Variants in TUBG1 observed in about 807,000 individuals in gnomAD.
The protein encoded by TUBG1 is tubulin gamma-1 chain.
In TUBG1, 22 loss-of-function variants were observed where a neutral mutation model predicts 53.3. The observed-to-expected ratio is 0.41, with a 90% CI of 0.29 to 0.59. TUBG1 has a LOEUF of 0.59. Ranked by LOEUF, TUBG1 falls within the 20% of genes least tolerant of loss-of-function variation. The probability of loss-of-function intolerance (pLI) is 0.26; values close to 1 mark genes in which losing one functional copy is unlikely to be tolerated. For synonymous variants in TUBG1, 198 were observed against 236.7 expected (o/e 0.84, Z 1.50); for missense variants, 217 against 598.9 (o/e 0.36, Z 6.66).
rs900250349 is a variant in TUBG1, at chr17:42,613,221, C to G, written c.606+148C>G. ...TCCCATCACTTTGGGAGGCCAAGGTCGTTGGATCGTTTGAGTTTAGGAGTT... is the reference window on the plus strand; with the variant it reads ...TCCCATCACTTTGGGAGGCCAAGGTGGTTGGATCGTTTGAGTTTAGGAGTT... On this transcript the variant is annotated intron_variant, in intron 6 of 10. Coordinates refer to ENST00000251413, the MANE Select transcript of TUBG1 (RefSeq NM_001070.5). The G allele has an allele frequency of 6.1e-6, 8 of 1,304,976 alleles. No homozygotes were observed. The Admixed American group carries it at 9.6e-5, about 16-fold the overall frequency. 80.8% of individuals were successfully genotyped at this position (1,304,976 alleles called of 1,614,324 possible).
rs1331357865 is a variant in TUBG1 at position 42,609,704 on chromosome 17, C to T, written c.-34C>T. The stretch of plus-strand genomic sequence containing the variant: ...GGCTGGCGTGCGGCGCCGTTGCGGG[C>T]GGGAGCGGCTGCAACGCCGGTGCCT... On this transcript the variant is annotated 5_prime_UTR_variant, in exon 1 of 11. Transcript: ENST00000251413. 6.5e-7 allele frequency: 1 copy of T among 1,540,080 alleles called. No individual in the cohort carries two copies. Among genetic ancestry groups the T allele is most frequent in the Non-Finnish European group, 8.8e-7 (1 of 1,142,038 alleles).
rs763244428 is a variant in TUBG1 at position 42,613,927 on chromosome 17, G to A, written c.772G>A (p.Ala258Thr). ...YMNNDLIGLI[A>T]SLIPTPRLHF... ...GAACAATGACCTCATCGGCCTCATC[G>A]CCTCGCTCATTCCCACCCCACGGCT... Residue 258 changes from alanine (A) to threonine (T), a missense_variant, in exon 8 of 11, where the codon GCC becomes ACC. Around this residue, in one of 4 missense-constraint regions of TUBG1, gnomAD observed 135 missense variants for 371.2 expected, o/e 0.36. Transcript: ENST00000251413. 6 of 1,614,022 alleles carry A rather than the reference G, an allele frequency of 3.7e-6. No individual in the cohort carries two copies. The highest frequency in any genetic ancestry group is 1.3e-5 in the African/African-American group (1 of 74,916).
intron 1 of TUBG1, 53 bp downstream of exon 1, chr17:42,609,839 T>A: frequency 6.5e-7 from 1 of 1,534,014 alleles, no homozygotes; most frequent in Admixed American, 2.1e-5. Flanking sequence ...GTCAATGGGA[T>A]CTCGCTGTGG....
At chr17:42,611,968 C>A in intron 3 of TUBG1, 107 bp from the exon 4 acceptor site, 1 of 970,126 alleles carries the variant, frequency 1.0e-6, no homozygotes, top group Non-Finnish European at 1.6e-6. Context: ...AGCTATGCTC[C>A]ATAAAAGGAC....
Position 42,614,682 on chromosome 17 carries a change from T to C in TUBG1, c.1158+25T>C. ...GGTGAGTCTCAAAGTTTGCACCTTTTTTCCCTGAATCAGTTTCCTGACTAT... is the reference window on the plus strand; with the variant it reads ...GGTGAGTCTCAAAGTTTGCACCTTTCTTCCCTGAATCAGTTTCCTGACTAT... On this transcript the variant is annotated intron_variant, in intron 10 of 10. Transcript: ENST00000251413. The surrounding 1 kb of genome is among the most constrained non-coding windows in gnomAD (Gnocchi z 5.1). 6.2e-7 allele frequency: 1 copy of C among 1,613,074 alleles called. No individual in the cohort carries two copies. The highest frequency in any genetic ancestry group is 8.5e-7 in the Non-Finnish European group (1 of 1,179,188).
chr17:42,610,091 C>T lies in TUBG1; in HGVS notation c.50-17C>T. On this transcript the variant is annotated splice_polypyrimidine_tract_variant and intron_variant, in intron 1 of 10. Coordinates refer to ENST00000251413, the MANE Select transcript of TUBG1 (RefSeq NM_001070.5). ...CCTAGATATCTTCTTTCTCCCCTGC[C>T]CGCCCCTTCCCCCCAGTTGGGTTCG... 4 of 1,613,990 alleles carry T rather than the reference C, an allele frequency of 2.5e-6. No homozygotes were observed. The highest frequency in any genetic ancestry group is 3.4e-6 in the Non-Finnish European group (4 of 1,179,898).
At chr17:42,610,659 A>T in intron 3 of TUBG1, 69 bp downstream of exon 3, 1 of 1,605,582 alleles carries the variant, frequency 6.2e-7, no homozygotes, top group Non-Finnish European at 8.5e-7. Flanking sequence ...CGTCCCGAAG[A>T]GAGGGAAAAC....
chr17:42,612,614 A>G (rs1357677307), intron 5 of TUBG1, 108 bp downstream of exon 5: 2 of 1,080,780 alleles, frequency 1.9e-6, no homozygotes, highest in African/African-American at 1.6e-5. Flanking sequence ...AAGAGTTCTT[A>G]TATTCCCTCC....
In TUBG1 at chr17:42,614,983, A is replaced by G; in HGVS notation, c.1298A>G (p.Asp433Gly). ...AGGGAGATTGTGCAGCAGCTCATCG[A>G]TGAGTACCATGCGGCCACACGGCCA... ...TSREIVQQLI[D>G]EYHAATRPDY... is the part of the protein sequence containing the mutation. Residue 433 changes from aspartate to glycine, a missense_variant, in exon 11 of 11, where the codon GAT (aspartate) becomes GGT (glycine). Transcript: ENST00000251413. The surrounding 1 kb of genome is among the most constrained non-coding windows in gnomAD (Gnocchi z 5.1). The G allele has an allele frequency of 6.2e-7, 1 of 1,614,190 alleles. No homozygotes were observed. Among genetic ancestry groups the G allele is most frequent in the Non-Finnish European group, 8.5e-7 (1 of 1,180,026 alleles).
chr17:42,611,331 AT>A (rs1269375199), intron 3 of TUBG1: 1 of 152,234 alleles, frequency 6.6e-6, no homozygotes, highest in Non-Finnish European at 1.5e-5. Context: ...ATACTAATAT[AT>A]TTGATTAACG....
rs2052018704 is a variant in TUBG1 at position 42,610,016 on chromosome 17, C to T, written c.50-92C>T. 2.7e-6 allele frequency: 4 copies of T among 1,472,822 alleles called. No homozygotes were observed. The African/African-American group carries it at 5.6e-5, about 21-fold the overall frequency. The allele number at this position is 1,472,822 out of a possible 1,614,324, so 91.2% of individuals were successfully genotyped here. On this transcript the variant is annotated intron_variant, in intron 1 of 10. Coordinates refer to ENST00000251413, the MANE Select transcript of TUBG1 (RefSeq NM_001070.5). ...GAGTCCTGCGGCTTGACTTCTTATCCCTGGACGCAGGCGCCCAGTCCCCCG... is the reference window on the plus strand; with the variant it reads ...GAGTCCTGCGGCTTGACTTCTTATCTCTGGACGCAGGCGCCCAGTCCCCCG...
rs113150518 is a variant in TUBG1 at position 42,614,424 on chromosome 17, C to T, written c.996+12C>T. 8.1e-6 allele frequency: 13 copies of T among 1,613,966 alleles called. No individual in the cohort carries two copies. In the South Asian group the frequency reaches 1.4e-4, roughly 18 times the overall value. ...TGGACCCCACCCAGGTAGGGGAGGCCCCTTCATCCCACACCCTGGACCTGC... is the reference window on the plus strand; with the variant it reads ...TGGACCCCACCCAGGTAGGGGAGGCTCCTTCATCCCACACCCTGGACCTGC... On this transcript the variant is annotated intron_variant, in intron 9 of 10. Coordinates refer to ENST00000251413, the MANE Select transcript of TUBG1 (RefSeq NM_001070.5). This position sits in a 1 kb window ranked among gnomAD's most constrained non-coding sequence, Gnocchi z 5.1.
chr17:42,613,791 T>A, intron 7 of TUBG1, 58 bp downstream of exon 7: 4 of 1,614,116 alleles, frequency 2.5e-6, no homozygotes, highest in Non-Finnish European at 3.4e-6. Context: ...GGAGGGTCAT[T>A]TGGGGAAGGG....
intron 3 of TUBG1, 155 bp downstream of exon 3, chr17:42,610,745 T>G: frequency 9.4e-7 from 1 of 1,059,170 alleles, no homozygotes; most frequent in Non-Finnish European, 1.4e-6. Context: ...GTCAAGCGCC[T>G]ACACTAGCTA....
chr17:42,609,879 A>G (rs2052017587), intron 1 of TUBG1, 93 bp downstream of exon 1: 1 of 1,475,182 alleles, frequency 6.8e-7, no homozygotes, highest in African/African-American at 1.4e-5. Flanking sequence ...CCTTGCCAGA[A>G]TCGTAGTTCT....
chr17:42,611,819 G>A (rs932943848), intron 3 of TUBG1, among the ~76,000 whole-genome samples: 1 of 149,062 alleles, frequency 6.7e-6, no homozygotes, highest in Admixed American at 6.7e-5. Context: ...TCGCGCCACT[G>A]CACTCCAGCC....
Position 42,615,122 on chromosome 17 carries a change from TC to T in TUBG1, c.*82del. The T allele has an allele frequency of 7.2e-7, 1 of 1,391,798 alleles. No individual in the cohort carries two copies. The highest frequency in any genetic ancestry group is 1.2e-5 in the South Asian group (1 of 80,838). 86.2% of individuals were successfully genotyped at this position (1,391,798 alleles called of 1,614,324 possible). On this transcript the variant is annotated 3_prime_UTR_variant, in exon 11 of 11. Coordinates refer to ENST00000251413, the MANE Select transcript of TUBG1 (RefSeq NM_001070.5). ...ACTGACCACCCCCTCAGAGCACAGA[TC>T]AGGGACCTCACGCATCTCTTTCTCA...
chr17:42,614,715 C>T lies in TUBG1; in HGVS notation c.1158+58C>T, dbSNP rs1420885148. ...AATCAGTTTCCTGACTATACCTCAC[C>T]TCTCTGCATCTGCTGGCCCTGCTTC... On this transcript the variant is annotated intron_variant, in intron 10 of 10. Transcript: ENST00000251413. This position sits in a 1 kb window ranked among gnomAD's most constrained non-coding sequence, Gnocchi z 5.1. 1.2e-6 allele frequency: 2 copies of T among 1,607,296 alleles called. No homozygotes were observed. The highest frequency in any genetic ancestry group is 1.7e-4 in the Middle Eastern group (1 of 6,028).
At chr17:42,610,061 C>T in intron 1 of TUBG1, 47 bp from the exon 2 acceptor site, 1 of 1,609,174 alleles carries the variant, frequency 6.2e-7, no homozygotes, top group Non-Finnish European at 8.5e-7. Flanking sequence ...TGGAACCTGC[C>T]CGGACCTAGA....
Sources: allele counts gnomAD v4.1 joint callset (sites outside exome capture counted in the v4.1 genomes callset), GRCh38; gene constraint gnomAD v4.1.1; regional missense constraint gnomAD v4.1.1; non-coding constraint Gnocchi (gnomAD v3.1); transcripts MANE v1.5; gene names NCBI Gene and HGNC (gene_info 2026-07-23, HGNC 2026-07-21).